The following TEX11 variants were observed in gnomAD, a reference collection of about 807,000 sequenced individuals.
The protein encoded by TEX11 is testis expressed 11.
Under a neutral mutation model 84.4 loss-of-function variants are expected in TEX11, and 7 were observed. The observed-to-expected ratio is 0.08, with a 90% CI of 0.05 to 0.16. TEX11 has a LOEUF of 0.16. Among genes scored for constraint, TEX11 ranks in the 10% least tolerant of loss-of-function variants. The pLI is 1.00. For synonymous variants in TEX11, 264 were observed against 222.8 expected (o/e 1.18, Z -1.64); for missense variants, 551 against 660.5 (o/e 0.83, Z 1.82).
At chrX:70,818,519 C>A (rs2091301925) in intron 8 of TEX11, among the ~76,000 whole-genome samples, 1 of 110,613 alleles carries the variant, frequency 9.0e-6, no homozygotes, top group Non-Finnish European at 1.9e-5. Context: ...AGAAGCCTTC[C>A]ACTGAGGACT....
Position 70,576,702 on chromosome X carries a change from C to A in TEX11, c.2140+15049G>T, listed in dbSNP as rs755111138. Among the ~76,000 whole-genome samples the A allele has an allele frequency of 2.7e-5, 3 of 112,191 alleles. No homozygotes were observed. The Admixed American group carries it at 2.8e-4, about 11-fold the overall frequency. On this transcript the variant is annotated intron_variant, in intron 25 of 29. Transcript: ENST00000374333. ...CCTATTATGTGCTAGGCGCACAATA[C>A]AAAGGTAAGCAAAATCAGACACAGT...
chrX:70,858,455 A>AAG (rs1249532076), intron 5 of TEX11, among the ~76,000 whole-genome samples: 1 of 107,947 alleles, frequency 9.3e-6, no homozygotes, highest in Non-Finnish European at 1.9e-5. Flanking sequence ...AAAAAAAAAA[A>AAG]AAGAAGAAGA....
intron 13 of TEX11, among the ~76,000 whole-genome samples, chrX:70,685,606 CAA>C (rs2090181813): frequency 8.9e-6 from 1 of 111,959 alleles, no homozygotes; most frequent in African/African-American, 3.2e-5. Context: ...CAAAAACAAA[CAA>C]ATGGGACTAT....
intron 7 of TEX11, among the ~76,000 whole-genome samples, chrX:70,850,578 C>T (rs1189924976): frequency 3.7e-5 from 3 of 80,818 alleles, no homozygotes; most frequent in Admixed American, 1.4e-4. Context: ...CCTCCCTCTA[C>T]AAAAAAAAAA....
intron 13 of TEX11, among the ~76,000 whole-genome samples, chrX:70,694,190 G>A (rs111842326): frequency 0.069 from 7,613 of 110,241 alleles, 569 homozygotes; most frequent in African/African-American, 0.21. Flanking sequence ...GACTACTGGC[G>A]CACACCACCA....
At position 70,722,748 on chromosome X, in the gene TEX11, T is replaced by C. The variant is rs766925770; in HGVS notation, c.926-52A>G. The C allele has an allele frequency of 3.1e-6, 3 of 972,040 alleles. No individual in the cohort carries two copies. The South Asian group carries it at 6.3e-5, about 20-fold the overall frequency. The allele number at this position is 972,040 out of a possible 1,213,427, so 80.1% of individuals were successfully genotyped here. A position where few individuals can be genotyped will look rare whatever the true frequency, so the allele number is the denominator to read the frequency against. On this transcript the variant is annotated intron_variant, in intron 12 of 29. Transcript: ENST00000374333. ...TATCAGTTTAATTTTTGAGGAAGCT[T>C]AGTTATTTTCAATAATTTTCCTCTA... is the stretch of plus-strand genomic sequence containing the variant.
chrX:70,721,677 G>A (rs180701677), intron 13 of TEX11, among the ~76,000 whole-genome samples: 338 of 111,708 alleles, frequency 3.0e-3, no homozygotes, highest in Non-Finnish European at 3.6e-3. Context: ...TTGTTTTTAT[G>A]AATAAAGTTT....
At chrX:70,519,993 G>T in the TEX11 span, among the ~76,000 whole-genome samples, 1 of 111,465 alleles carries the variant, frequency 9.0e-6, no homozygotes, top group Non-Finnish European at 1.9e-5. Context: ...TCTCTACACT[G>T]TTTATTCTAG....
intron 3 of TEX11, among the ~76,000 whole-genome samples, chrX:70,878,241 C>T (rs1247268124): frequency 3.1e-5 from 3 of 96,573 alleles, no homozygotes; most frequent in African/African-American, 1.2e-4. Flanking sequence ...GGTGCAATCT[C>T]GGCTCACTGC....
chrX:70,720,145 A>T (rs1205839236), intron 13 of TEX11, among the ~76,000 whole-genome samples: 1 of 112,165 alleles, frequency 8.9e-6, no homozygotes, highest in Non-Finnish European at 1.9e-5. Context: ...GATAGACTGG[A>T]TTAAGAAAAT....
intron 25 of TEX11, among the ~76,000 whole-genome samples, chrX:70,583,053 T>C (rs887868880): frequency 4.5e-5 from 5 of 111,323 alleles, no homozygotes; most frequent in African/African-American, 1.6e-4. Flanking sequence ...TTTGTTTAAA[T>C]AGGTAACCAA....
intron 7 of TEX11, among the ~76,000 whole-genome samples, chrX:70,841,187 G>A (rs1205636229): frequency 1.4e-4 from 15 of 110,516 alleles, no homozygotes; most frequent in African/African-American, 4.3e-4. Flanking sequence ...ATTCTTTTCA[G>A]CACCACACCA....
At chrX:70,833,848 G>T (rs1325088636) in intron 7 of TEX11, among the ~76,000 whole-genome samples, 1 of 111,443 alleles carries the variant, frequency 9.0e-6, no homozygotes, top group Non-Finnish European at 1.9e-5. Flanking sequence ...AAAACTGGTT[G>T]TACTGCCTTA....
chrX:70,634,834 T>G (rs1396212830), intron 17 of TEX11, among the ~76,000 whole-genome samples: 3 of 112,351 alleles, frequency 2.7e-5, no homozygotes, highest in Non-Finnish European at 5.6e-5. Context: ...CATGAGACCT[T>G]TTCTGTCACC....
chrX:70,742,169 C>T (rs1014677912), intron 10 of TEX11, among the ~76,000 whole-genome samples: 20 of 110,449 alleles, frequency 1.8e-4, no homozygotes, highest in Non-Finnish European at 2.8e-4. Context: ...TGATGTCCAA[C>T]ACCATATATT....
chrX:70,623,834 C>T, intron 20 of TEX11, 116 bp downstream of exon 20: 1 of 591,348 alleles, frequency 1.7e-6, no homozygotes, highest in Non-Finnish European at 2.5e-6. Context: ...AGACTGGCCC[C>T]AAAACCTGTA....
At chrX:70,605,098 C>T (rs1003429233) in intron 24 of TEX11, among the ~76,000 whole-genome samples, 2 of 111,361 alleles carry the variant, frequency 1.8e-5, no homozygotes, top group South Asian at 3.8e-4. Context: ...GGAGTCCAAA[C>T]GCGTATATAA....
intron 13 of TEX11, among the ~76,000 whole-genome samples, chrX:70,706,814 GA>G (rs2090381659): frequency 9.1e-6 from 1 of 110,400 alleles, no homozygotes; most frequent in South Asian, 3.8e-4. Context: ...CTTCATATTT[GA>G]GCTACTTACA....
chrX:70,718,994 C>T (rs1032778420), intron 13 of TEX11, among the ~76,000 whole-genome samples: 2 of 111,271 alleles, frequency 1.8e-5, no homozygotes, highest in African/African-American at 6.5e-5. Flanking sequence ...ATTATCTTCA[C>T]GTTAACCTCC....
Sources: gnomAD v4.1 joint callset for allele counts (sites outside exome capture counted in the v4.1 genomes callset) on GRCh38, gnomAD v4.1.1 for gene constraint, MANE v1.5 for transcripts, NCBI Gene and HGNC (gene_info 2026-07-23, HGNC 2026-07-21) for gene names.